DGKH: variants seen among roughly 807,000 people sequenced by gnomAD.
The protein encoded by DGKH is diacylglycerol kinase eta.
DGKH carries 90 observed loss-of-function variants against 159.3 expected under a neutral mutation model. The observed-to-expected ratio is 0.57, with a 90% CI of 0.48 to 0.67. The LOEUF (loss-of-function observed/expected upper bound fraction) is 0.67, where lower values mean the gene tolerates loss of function less well. Among genes scored for constraint, DGKH ranks in the 30% least tolerant of loss-of-function variants. DGKH has a pLI of 0.00. For missense variants in DGKH, 1,181 were observed against 1,506.1 expected, an observed-to-expected ratio of 0.78 and a Z score of 3.57; for synonymous variants, 536 against 553.8, an observed-to-expected ratio of 0.97 and a Z score of 0.45.
intron 1 of DGKH, among the ~76,000 whole-genome samples, chr13:42,043,184 T>C (rs1880615492): frequency 6.6e-6 from 1 of 152,178 alleles, no homozygotes; most frequent in Non-Finnish European, 1.5e-5. Flanking sequence ...ATATGCTTTA[T>C]ATATGTATTG....
At chr13:42,138,165 GCAGGGCACAGCTAATATGGAATT>G (rs1428675920) in intron 3 of DGKH, 16 of 937,216 alleles carry the variant, frequency 1.7e-5, no homozygotes, top group Non-Finnish European at 2.0e-5. Context: ...ATGGCTAATA[GCAGGGCACAGCTAATATGGAATT>G]CAGGGCTCTC....
At position 42,236,983 on chromosome 13, in the gene DGKH, A is replaced by C. The variant is rs116476947; in HGVS notation, c.*7795A>C. ...AGGTTCCAGGGTGGATATTTTTAACATATGTTTGCATTTGGTTCTGGGATA... is the reference window on the plus strand; with the variant it reads ...AGGTTCCAGGGTGGATATTTTTAACCTATGTTTGCATTTGGTTCTGGGATA... On this transcript the variant is annotated 3_prime_UTR_variant, in exon 30 of 30. Transcript: ENST00000337343. The C allele has an allele frequency of 6.6e-6, 1 of 152,148 alleles. No homozygotes were observed. Among genetic ancestry groups the C allele is most frequent in the South Asian group, 2.1e-4 (1 of 4,828 alleles). The allele number at this position is 152,148 out of a possible 1,614,324, so 9.4% of individuals were successfully genotyped here.
At chr13:42,089,272 G>A (rs1954369003) in intron 1 of DGKH, among the ~76,000 whole-genome samples, 1 of 152,120 alleles carries the variant, frequency 6.6e-6, no homozygotes, top group Non-Finnish European at 1.5e-5. Context: ...ATTAATATTT[G>A]CAGAGCATTC....
intron 3 of DGKH, chr13:42,153,709 G>A (rs1333126632): frequency 6.6e-6 from 1 of 152,188 alleles, no homozygotes; most frequent in African/African-American, 2.4e-5. Context: ...TGGCTCCTAA[G>A]TAATGAGAGG....
chr13:42,089,920 C>CA (rs35098414), intron 1 of DGKH, among the ~76,000 whole-genome samples: 124,488 of 151,986 alleles, frequency 0.82, 51,561 homozygotes, highest in African/African-American at 0.92. Flanking sequence ...TCTCAGATTA[C>CA]AAAAAATTAA....
chr13:42,189,709 C>T (rs201372883), intron 15 of DGKH, among the ~76,000 whole-genome samples: 1 of 152,092 alleles, frequency 6.6e-6, no homozygotes, highest in Middle Eastern at 3.2e-3. Flanking sequence ...CTCTGTTGCC[C>T]AAGCTGGAGT....
intron 1 of DGKH, chr13:42,070,329 T>G (rs1882875715): frequency 7.2e-7 from 1 of 1,385,668 alleles, no homozygotes. Flanking sequence ...CCTGACGATC[T>G]TCCTCATGTG....
At chr13:42,256,219 T>C (rs1372589320) in intron 30 of DGKH, 1 of 1,427,472 alleles carries the variant, frequency 7.0e-7, no homozygotes. Flanking sequence ...TTGAGTTGAA[T>C]GTTTTCAAGC....
At chr13:42,097,350 C>T (rs191318587) in intron 1 of DGKH, among the ~76,000 whole-genome samples, 8 of 152,310 alleles carry the variant, frequency 5.3e-5, no homozygotes, top group African/African-American at 1.9e-4. Flanking sequence ...TTCATTCACA[C>T]ACACAAGAGA....
chr13:42,189,176 T>C lies in DGKH; in HGVS notation c.1779T>C (p.Gly593=). 6.2e-7 allele frequency: 1 copy of C among 1,614,168 alleles called. No individual in the cohort carries two copies. The highest frequency in any genetic ancestry group is 8.5e-7 in the Non-Finnish European group (1 of 1,180,020). ...AVESSSEESL[G]ESKEQLGDDV... ...AATCGTCCAGTGAAGAGTCCCTGGG[T>C]GAAAGCAAAGAGCAGCTTGGGGATG... The change falls in exon 15 of 30, where the codon GGT becomes GGC. Residue 593 remains glycine (G), a synonymous_variant. Transcript: ENST00000337343.
At chr13:42,216,632 G>T (rs941881985) in intron 26 of DGKH, 2 of 152,166 alleles carry the variant, frequency 1.3e-5, no homozygotes, top group African/African-American at 4.8e-5. Flanking sequence ...GGCATCCTTT[G>T]CTCTGAGAAG....
intron 30 of DGKH, among the ~76,000 whole-genome samples, chr13:42,254,633 A>AG (rs1396107211): frequency 7.9e-6 from 1 of 126,978 alleles, no homozygotes; most frequent in African/African-American, 2.5e-5. Context: ...CTCCGTCAGA[A>AG]AAAAAAAAAA....
At chr13:42,150,194 A>G (rs552198754) in intron 3 of DGKH, among the ~76,000 whole-genome samples, 1 of 152,086 alleles carries the variant, frequency 6.6e-6, no homozygotes, top group Non-Finnish European at 1.5e-5. Context: ...GTAATCTGAA[A>G]CTTTCTTTCC....
At chr13:42,202,647 A>T (rs181699623) in intron 20 of DGKH, among the ~76,000 whole-genome samples, 1 of 152,372 alleles carries the variant, frequency 6.6e-6, no homozygotes, top group East Asian at 1.9e-4. Flanking sequence ...TTTGTTTCCC[A>T]AGCCACATTA....
chr13:42,041,186 C>T (rs1255930942), intron 1 of DGKH, among the ~76,000 whole-genome samples: 3 of 152,186 alleles, frequency 2.0e-5, no homozygotes, highest in South Asian at 2.1e-4. Context: ...GACCGTTTCC[C>T]GGCTTCACCG....
rs1406762297 is a variant in DGKH at position 42,236,393 on chromosome 13, C to T, written c.*7205C>T. On this transcript the variant is annotated 3_prime_UTR_variant, in exon 30 of 30. Transcript: ENST00000337343. ...CAATAGATAGCGGAATAGTAATAGA[C>T]ACTTTGTTAAAAAAATAAGTTTCAT... 1 of 152,032 alleles carries T rather than the reference C, an allele frequency of 6.6e-6. No individual in the cohort carries two copies. The highest frequency in any genetic ancestry group is 2.4e-5 in the African/African-American group (1 of 41,370). The allele number at this position is 152,032 out of a possible 1,614,324, so 9.4% of individuals were successfully genotyped here.
At chr13:42,213,622 A>G (rs1380500218) in intron 24 of DGKH, among the ~76,000 whole-genome samples, 1 of 152,200 alleles carries the variant, frequency 6.6e-6, no homozygotes, top group Non-Finnish European at 1.5e-5. Context: ...TATCCATTGT[A>G]TAATCCTTAA....
chr13:42,146,464 A>C (rs982728388), intron 3 of DGKH, among the ~76,000 whole-genome samples: 2 of 152,254 alleles, frequency 1.3e-5, no homozygotes, highest in Non-Finnish European at 2.9e-5. Flanking sequence ...ACATGTATAC[A>C]AGGATATGAT....
At chr13:42,168,006 G>A (rs1329920702) in intron 9 of DGKH, among the ~76,000 whole-genome samples, 1 of 152,154 alleles carries the variant, frequency 6.6e-6, no homozygotes, top group Non-Finnish European at 1.5e-5. Context: ...AGTCCTGAGA[G>A]CAATACAATG....
Sources: allele counts gnomAD v4.1 joint callset (sites outside exome capture counted in the v4.1 genomes callset), GRCh38; gene constraint gnomAD v4.1.1; transcripts MANE v1.5; gene names NCBI Gene and HGNC (gene_info 2026-07-23, HGNC 2026-07-21).